TMEM161B: variants seen among roughly 807,000 people sequenced by gnomAD.
TMEM161B encodes the protein transmembrane protein 161B.
A neutral mutation model predicts 61.8 loss-of-function variants in TMEM161B; 34 were observed. The observed-to-expected ratio is 0.55, with a 90% CI of 0.42 to 0.73. The LOEUF (loss-of-function observed/expected upper bound fraction) is 0.73. Ranked by LOEUF, TMEM161B falls within the 30% of genes least tolerant of loss-of-function variation. TMEM161B has a pLI of 0.00. For synonymous variants in TMEM161B, 167 were observed against 192.8 expected, an observed-to-expected ratio of 0.87 and a Z score of 1.11; for missense variants, 456 against 558.5, an observed-to-expected ratio of 0.82 and a Z score of 1.85.
chr5:88,250,514 C>T (rs1754194242), intron 1 of TMEM161B: 1 of 152,296 alleles, frequency 6.6e-6, no homozygotes, highest in South Asian at 2.1e-4. Flanking sequence ...AAACAAGCCC[C>T]TGTTCTCCAT....
intron 2 of TMEM161B, among the ~76,000 whole-genome samples, chr5:88,228,786 T>G (rs1301911821): frequency 6.6e-6 from 1 of 152,198 alleles, no homozygotes; most frequent in Non-Finnish European, 1.5e-5. Context: ...CAAATGACAA[T>G]GTATTAATAC....
chr5:88,218,741 G>C (rs1392125229), intron 5 of TMEM161B, among the ~76,000 whole-genome samples: 3 of 152,158 alleles, frequency 2.0e-5, no homozygotes, highest in African/African-American at 7.2e-5. Flanking sequence ...GTTCTTAAGA[G>C]TAAGAATGGA....
chr5:88,225,171 A>G (rs1385225765), intron 4 of TMEM161B, among the ~76,000 whole-genome samples: 5 of 151,752 alleles, frequency 3.3e-5, no homozygotes, highest in African/African-American at 7.3e-5. Flanking sequence ...GTTTCACCAC[A>G]TTAGCCAGGA....
At chr5:88,232,578 TA>T (rs1436796622) in intron 2 of TMEM161B, among the ~76,000 whole-genome samples, 1 of 7,204 alleles carries the variant, frequency 1.4e-4, no homozygotes, top group Admixed American at 3.5e-3. Context: ...CACATTTTCT[TA>T]TTTTTTTTTT....
downstream of TMEM161B, among the ~76,000 whole-genome samples, chr5:88,185,928 G>A (rs1748337911): frequency 6.6e-6 from 1 of 152,152 alleles, no homozygotes; most frequent in Admixed American, 6.5e-5. Context: ...CATAAACATG[G>A]CATTTCTAAT....
chr5:88,188,558 G>A (rs544317143), downstream of TMEM161B, among the ~76,000 whole-genome samples: 9 of 152,288 alleles, frequency 5.9e-5, no homozygotes, highest in East Asian at 1.5e-3. Flanking sequence ...GTGTCAACTT[G>A]ATTGGACTGA....
At chr5:88,190,326 A>G, downstream of TMEM161B, 1 of 694,364 alleles carries the variant, frequency 1.4e-6, no homozygotes, top group Non-Finnish European at 2.6e-6. Context: ...AGATGTAGAA[A>G]TACTGGCCTA....
At chr5:88,222,025 GATTA>G (rs1749093809) in intron 4 of TMEM161B, among the ~76,000 whole-genome samples, 1 of 152,126 alleles carries the variant, frequency 6.6e-6, no homozygotes, top group Non-Finnish European at 1.5e-5. Context: ...ATCCTATTAT[GATTA>G]ATTTTTAAAT....
chr5:88,188,386 G>A (rs539401708), downstream of TMEM161B, among the ~76,000 whole-genome samples: 36 of 151,818 alleles, frequency 2.4e-4, no homozygotes, highest in Admixed American at 1.7e-3. Context: ...AAAGTGCTGC[G>A]ATTACAAGAA....
intron 2 of TMEM161B, among the ~76,000 whole-genome samples, chr5:88,232,821 G>A (rs763712554): frequency 9.2e-5 from 14 of 152,150 alleles, no homozygotes; most frequent in African/African-American, 7.2e-5. Flanking sequence ...TGATCTGCCC[G>A]CCTTGGCTTC....
intron 5 of TMEM161B, among the ~76,000 whole-genome samples, chr5:88,210,401 C>T (rs957028542): frequency 6.6e-6 from 1 of 151,984 alleles, no homozygotes; most frequent in African/African-American, 2.4e-5. Flanking sequence ...TTAAGAGGTA[C>T]AAGATTAAGA....
At chr5:88,220,519 T>G (rs1478733490) in intron 5 of TMEM161B, 44 bp downstream of exon 5, 1 of 1,458,906 alleles carries the variant, frequency 6.9e-7, no homozygotes, top group African/African-American at 1.5e-5. Context: ...TCTAATGGTG[T>G]TATCTGCAAA....
chr5:88,254,315 T>C (rs1160451554), intron 1 of TMEM161B, among the ~76,000 whole-genome samples: 2 of 152,164 alleles, frequency 1.3e-5, no homozygotes, highest in Non-Finnish European at 2.9e-5. Flanking sequence ...ATAGAGTTAT[T>C]TGAAGAACTT....
At chr5:88,215,896 C>T (rs79967900) in intron 5 of TMEM161B, among the ~76,000 whole-genome samples, 1,528 of 152,262 alleles carry the variant, frequency 0.01, 15 homozygotes, top group African/African-American at 0.034. Context: ...AATAAAACTG[C>T]ATATCAAGTA....
intron 1 of TMEM161B, among the ~76,000 whole-genome samples, chr5:88,245,834 CA>C (rs1277378362): frequency 6.6e-6 from 1 of 151,842 alleles, no homozygotes; most frequent in Admixed American, 6.6e-5. Context: ...AACAAACAAG[CA>C]AAAATCAGTG....
At chr5:88,257,732 GAATAAT>G (rs1430985838) in intron 1 of TMEM161B, among the ~76,000 whole-genome samples, 1 of 152,148 alleles carries the variant, frequency 6.6e-6, no homozygotes, top group Non-Finnish European at 1.5e-5. Flanking sequence ...TAATGGCAAT[GAATAAT>G]AATCCATTCT....
intron 9 of TMEM161B, 87 bp downstream of exon 9, chr5:88,202,875 T>G (rs1288188618): frequency 1.1e-6 from 1 of 909,878 alleles, no homozygotes; most frequent in Non-Finnish European, 1.8e-6. Context: ...AGTGTCCTGA[T>G]TTTATCACTG....
At chr5:88,212,468 G>A (rs1747006488) in intron 5 of TMEM161B, among the ~76,000 whole-genome samples, 2 of 152,106 alleles carry the variant, frequency 1.3e-5, no homozygotes. Context: ...CAAGTTTTAG[G>A]TCTAAAATGG....
At chr5:88,213,300 C>G (rs572264971) in intron 5 of TMEM161B, among the ~76,000 whole-genome samples, 1 of 152,078 alleles carries the variant, frequency 6.6e-6, no homozygotes, top group African/African-American at 2.4e-5. Flanking sequence ...TCCTATCTTC[C>G]AATGTTAAAA....
Sources: allele counts gnomAD v4.1 joint callset (sites outside exome capture counted in the v4.1 genomes callset), GRCh38; gene constraint gnomAD v4.1.1; transcripts MANE v1.5; gene names NCBI Gene and HGNC (gene_info 2026-07-23, HGNC 2026-07-21).